Variants in FGF14 observed in about 807,000 individuals in gnomAD.
FGF14 encodes fibroblast growth factor homologous factor 4.
Under a neutral mutation model 25.5 loss-of-function variants are expected in FGF14, and 5 were observed. That is an observed-to-expected ratio of 0.20 (90% CI 0.10 to 0.41). The LOEUF is 0.41. FGF14 is among the 10% of genes least tolerant of loss of function. The pLI is 1.00. For synonymous variants in FGF14, 138 were observed against 118.3 expected, an observed-to-expected ratio of 1.17 and a Z score of -1.08; for missense variants, 222 against 320.1, an observed-to-expected ratio of 0.69 and a Z score of 2.34.
intron 1 of FGF14, among the ~76,000 whole-genome samples, chr13:101,951,002 T>C (rs2036135357): frequency 6.6e-6 from 1 of 152,104 alleles, no homozygotes; most frequent in African/African-American, 2.4e-5. Flanking sequence ...GAAATCTCTG[T>C]TGGGTTTTTG....
chr13:102,194,671 A>G (rs2049272243), intron 1 of FGF14, among the ~76,000 whole-genome samples: 1 of 152,204 alleles, frequency 6.6e-6, no homozygotes, highest in African/African-American at 2.4e-5. Context: ...GAAGTAAAAG[A>G]GAAAAAGTAG....
chr13:102,347,564 C>T (rs1186618767), intron 1 of FGF14, among the ~76,000 whole-genome samples: 3 of 152,072 alleles, frequency 2.0e-5, no homozygotes, highest in South Asian at 2.1e-4. Context: ...AGGCCTGCTG[C>T]GGAAATCAAT....
intron 1 of FGF14, among the ~76,000 whole-genome samples, chr13:102,108,302 C>T (rs1480141326): frequency 6.6e-6 from 1 of 152,190 alleles, no homozygotes; most frequent in Admixed American, 6.5e-5. Flanking sequence ...GAACCACCCA[C>T]ATTTTCCTAC....
chr13:101,920,283 G>T (rs1282181971), upstream of FGF14, among the ~76,000 whole-genome samples: 1 of 152,134 alleles, frequency 6.6e-6, no homozygotes, highest in African/African-American at 2.4e-5. Flanking sequence ...TTATAAAGAG[G>T]AAAATAAAGT....
chr13:102,043,264 C>G (rs2041828158), intron 1 of FGF14, among the ~76,000 whole-genome samples: 1 of 152,130 alleles, frequency 6.6e-6, no homozygotes, highest in African/African-American at 2.4e-5. Flanking sequence ...CCCAAGGTCA[C>G]CTTTATATTT....
At chr13:101,941,361 G>C (rs2035438380) in intron 1 of FGF14, among the ~76,000 whole-genome samples, 1 of 152,168 alleles carries the variant, frequency 6.6e-6, no homozygotes, top group Non-Finnish European at 1.5e-5. Context: ...TCTATAACTA[G>C]AATTGCTATT....
rs77318018 is a variant in FGF14, at chr13:102,153,370, C to T, written c.208+248101G>A. Among the ~76,000 whole-genome samples the T allele has an allele frequency of 2.0e-5, 3 of 152,128 alleles. No individual in the cohort carries two copies. The East Asian group carries it at 5.8e-4, about 29-fold the overall frequency. ...ACAGCATGTATAGAAATAGAAAGAA[C>T]TTGATTCTTGGCTCATGAAGTCTGG... is the stretch of plus-strand genomic sequence containing the variant. On this transcript the variant is annotated intron_variant, in intron 1 of 4. Transcript: ENST00000376131.
intron 3 of FGF14, among the ~76,000 whole-genome samples, chr13:101,804,034 T>A (rs1374934222): frequency 6.6e-6 from 1 of 151,344 alleles, no homozygotes; most frequent in African/African-American, 2.4e-5. Context: ...CCACAATATT[T>A]AAAGATTACT....
chr13:101,866,716 G>A (rs2044726589), intron 3 of FGF14, among the ~76,000 whole-genome samples: 1 of 152,100 alleles, frequency 6.6e-6, no homozygotes, highest in African/African-American at 2.4e-5. Context: ...AATATTTGAA[G>A]TTCAAATTTT....
At chr13:102,163,741 G>A (rs1038682132) in intron 1 of FGF14, among the ~76,000 whole-genome samples, 20 of 152,106 alleles carry the variant, frequency 1.3e-4, no homozygotes, top group Admixed American at 6.6e-4. Flanking sequence ...GGGAAGATTC[G>A]CAGGGACCAT....
intron 1 of FGF14, among the ~76,000 whole-genome samples, chr13:102,322,550 T>C (rs2056285328): frequency 6.6e-6 from 1 of 152,118 alleles, no homozygotes; most frequent in Non-Finnish European, 1.5e-5. Flanking sequence ...TAAAAAATTA[T>C]CCAAAACTTT....
At chr13:102,369,283 G>A (rs1223345665) in intron 1 of FGF14, among the ~76,000 whole-genome samples, 1 of 152,162 alleles carries the variant, frequency 6.6e-6, no homozygotes, top group African/African-American at 2.4e-5. Context: ...CAGAAAAAGT[G>A]GAACAGCATG....
intron 1 of FGF14, chr13:102,002,139 C>T (rs1399515841): frequency 2.6e-5 from 4 of 152,190 alleles, no homozygotes; most frequent in African/African-American, 4.8e-5. Context: ...CTTGATCCCA[C>T]TGCCAATGGA....
intron 1 of FGF14, among the ~76,000 whole-genome samples, chr13:101,968,493 G>A (rs1052521578): frequency 5.9e-5 from 9 of 151,888 alleles, no homozygotes; most frequent in Non-Finnish European, 1.2e-4. Flanking sequence ...CTAACATGGT[G>A]AAACCCCGTC....
chr13:102,033,010 A>T (rs1387283182), intron 1 of FGF14, among the ~76,000 whole-genome samples: 2 of 152,096 alleles, frequency 1.3e-5, no homozygotes, highest in Admixed American at 1.3e-4. Flanking sequence ...ACTTCACTTG[A>T]CCACAGCTGT....
chr13:102,165,235 A>T (rs995352980), intron 1 of FGF14, among the ~76,000 whole-genome samples: 1 of 152,094 alleles, frequency 6.6e-6, no homozygotes, highest in Non-Finnish European at 1.5e-5. Flanking sequence ...AACTAGTTCA[A>T]CCATTGTGGA....
intron 3 of FGF14, 72 bp downstream of exon 3, chr13:101,868,653 T>C (rs2140447344): frequency 1.0e-6 from 1 of 992,670 alleles, no homozygotes; most frequent in East Asian, 2.4e-5. Flanking sequence ...TAGAACTTTC[T>C]TTTTGTTGTT....
Position 102,114,224 on chromosome 13 carries a change from T to C in FGF14, c.209-238928A>G, listed in dbSNP as rs555877832. ...TACTGTATGTCTTTCTGAAGAAATA[T>C]CGAGTTCTTTGCCTGTTTTCTAAGT... On this transcript the variant is annotated intron_variant, in intron 1 of 4. Coordinates refer to the FGF14 transcript ENST00000376131. 2.0e-5 allele frequency among the ~76,000 whole-genome samples: 3 copies of C among 152,238 alleles called. No homozygotes were observed. In the South Asian group the frequency reaches 6.2e-4, roughly 32 times the overall value.
intron 1 of FGF14, among the ~76,000 whole-genome samples, chr13:102,324,071 T>C (rs1287827683): frequency 4.0e-5 from 6 of 151,742 alleles, no homozygotes; most frequent in Non-Finnish European, 7.4e-5. Flanking sequence ...ATATATATCC[T>C]TGTCTGATTT....
Sources: allele counts gnomAD v4.1 joint callset (sites outside exome capture counted in the v4.1 genomes callset), GRCh38; gene constraint gnomAD v4.1.1; transcripts MANE v1.5; gene names NCBI Gene and HGNC (gene_info 2026-07-23, HGNC 2026-07-21).